Variants in MAP2 observed in about 807,000 individuals in gnomAD.
MAP2 encodes microtubule-associated protein 2.
MAP2 carries 14 observed loss-of-function variants against 137.6 expected under a neutral mutation model. That is an observed-to-expected ratio of 0.10 (90% CI 0.07 to 0.16). The LOEUF (loss-of-function observed/expected upper bound fraction) is 0.16. Ranked by LOEUF, MAP2 falls within the 10% of genes least tolerant of loss-of-function variation. The pLI is 1.00. For synonymous variants in MAP2, 786 were observed against 782.3 expected, an observed-to-expected ratio of 1.00 and a Z score of -0.08; for missense variants, 2,088 against 2,191.5, an observed-to-expected ratio of 0.95 and a Z score of 0.94.
intron 3 of MAP2, among the ~76,000 whole-genome samples, chr2:209,588,807 A>G (rs1339225217): frequency 1.3e-5 from 2 of 152,110 alleles, no homozygotes; most frequent in East Asian, 1.9e-4. Flanking sequence ...ACCTAAGTAG[A>G]CTGCCTATAC....
chr2:209,659,483 C>T (rs1356724428), intron 5 of MAP2, among the ~76,000 whole-genome samples: 1 of 152,132 alleles, frequency 6.6e-6, no homozygotes, highest in Non-Finnish European at 1.5e-5. Context: ...CTGCCACATT[C>T]AGAACAGCAG....
rs2075839418 is a variant in MAP2 at position 209,732,015 on chromosome 2, A to C, written c.*1618A>C. The C allele has an allele frequency of 6.6e-6, 1 of 152,242 alleles. No homozygotes were observed. The highest frequency in any genetic ancestry group is 6.5e-5 in the Admixed American group (1 of 15,290). 9.4% of individuals were successfully genotyped at this position (152,242 alleles called of 1,614,324 possible). A position where few individuals can be genotyped will look rare whatever the true frequency, so the allele number is the denominator to read the frequency against. On this transcript the variant is annotated 3_prime_UTR_variant, in exon 16 of 16. Coordinates refer to ENST00000682079, the MANE Select transcript of MAP2 (RefSeq NM_001375505.1). ...TAGACTTACAAATAAGGAATGAAAT[A>C]GTCAATGGCCTGATTAAGGCAAAGA...
intron 1 of MAP2, among the ~76,000 whole-genome samples, chr2:209,476,867 T>A (rs1575706094): frequency 2.0e-5 from 3 of 152,150 alleles, no homozygotes; most frequent in South Asian, 2.1e-4. Context: ...GGAAAAAAAA[T>A]AAAAACAGAT....
intron 1 of MAP2, among the ~76,000 whole-genome samples, chr2:209,465,392 A>G (rs995651100): frequency 2.6e-5 from 4 of 151,878 alleles, no homozygotes; most frequent in Admixed American, 2.0e-4. Context: ...TATTTTTCAC[A>G]TTTTAAAAGG....
intron 2 of MAP2, among the ~76,000 whole-genome samples, chr2:209,527,304 C>T (rs180842584): frequency 2.0e-5 from 3 of 152,210 alleles, no homozygotes; most frequent in East Asian, 1.9e-4. Context: ...TATTGTTTCA[C>T]CTAACTAGAA....
At chr2:209,603,953 T>C (rs1032289525) in intron 3 of MAP2, among the ~76,000 whole-genome samples, 3 of 152,198 alleles carry the variant, frequency 2.0e-5, no homozygotes, top group Admixed American at 2.0e-4. Flanking sequence ...TGCAATTGTG[T>C]GGAGGGACAT....
At chr2:209,593,633 AAATATATATATAT>A (rs1239518883) in intron 3 of MAP2, among the ~76,000 whole-genome samples, 1 of 61,956 alleles carries the variant, frequency 1.6e-5, no homozygotes, top group African/African-American at 7.2e-5. Flanking sequence ...AAAAAAAAAA[AAATATATATATAT>A]ATATATATAT....
chr2:209,516,503 T>C (rs909625928), intron 2 of MAP2, among the ~76,000 whole-genome samples: 9 of 151,690 alleles, frequency 5.9e-5, no homozygotes, highest in African/African-American at 2.2e-4. Flanking sequence ...ATTAGACCAA[T>C]AGAGGAGAAT....
intron 4 of MAP2, among the ~76,000 whole-genome samples, chr2:209,648,971 G>GT (rs1429734801): frequency 3.3e-5 from 5 of 152,046 alleles, no homozygotes; most frequent in Non-Finnish European, 7.4e-5. Context: ...AAAATTCCTA[G>GT]TATCTCACAA....
intron 3 of MAP2, among the ~76,000 whole-genome samples, chr2:209,616,089 T>C (rs990325114): frequency 1.3e-5 from 2 of 152,150 alleles, no homozygotes; most frequent in Non-Finnish European, 2.9e-5. Context: ...CACGCTTCAA[T>C]GTCCTGCTGT....
At chr2:209,700,175 A>G (rs1206494384) in intron 10 of MAP2, 102 bp from the exon 11 acceptor site, 3 of 886,506 alleles carry the variant, frequency 3.4e-6, no homozygotes, top group Non-Finnish European at 5.5e-6. Context: ...TTTGCTTTGC[A>G]TTAGTCTGTT....
rs571031319 is a variant in MAP2 at position 209,554,764 on chromosome 2, T to A, written c.-171-25272T>A. Among the ~76,000 whole-genome samples, 4 of 151,660 alleles carry A rather than the reference T, an allele frequency of 2.6e-5. No individual in the cohort carries two copies. In the South Asian group the frequency reaches 8.4e-4, roughly 32 times the overall value. On this transcript the variant is annotated intron_variant, in intron 2 of 15. Coordinates refer to ENST00000682079, the MANE Select transcript of MAP2 (RefSeq NM_001375505.1). ...AGACTGTCTCAAAAAAAAATTAAAA[T>A]TAAAAAATAAAATAAAAGCTCGTTT... is the stretch of plus-strand genomic sequence containing the variant.
Position 209,678,562 on chromosome 2 carries a change from TTTA to T in MAP2, c.263-6_263-4del. On this transcript the variant is annotated splice_polypyrimidine_tract_variant and splice_region_variant and intron_variant, in intron 5 of 15. Transcript: ENST00000682079. ...ATCGTTATATTTTATTTTGTTACTGTTTATTACAGAGGAGGTGTCTGCAAGGAT... is the reference window on the plus strand; with the variant it reads ...ATCGTTATATTTTATTTTGTTACTGTTTACAGAGGAGGTGTCTGCAAGGAT... 1 of 1,428,692 alleles carries T rather than the reference TTTA, an allele frequency of 7.0e-7. No homozygotes were observed. The highest frequency in any genetic ancestry group is 9.6e-7 in the Non-Finnish European group (1 of 1,040,194). The allele number at this position is 1,428,692 out of a possible 1,614,324, so 88.5% of individuals were successfully genotyped here.
chr2:209,689,761 A>G (rs1036984804), intron 7 of MAP2, among the ~76,000 whole-genome samples: 2 of 152,176 alleles, frequency 1.3e-5, no homozygotes, highest in South Asian at 2.1e-4. Context: ...GTCAAAGAGA[A>G]TTATACATGA....
At chr2:209,453,325 A>G (rs1357993481) in intron 1 of MAP2, among the ~76,000 whole-genome samples, 1 of 152,176 alleles carries the variant, frequency 6.6e-6, no homozygotes, top group Admixed American at 6.5e-5. Context: ...TGGCCATGAT[A>G]GTAACGGTTT....
intron 11 of MAP2, among the ~76,000 whole-genome samples, chr2:209,700,862 A>G (rs1275364212): frequency 1.3e-5 from 2 of 152,166 alleles, no homozygotes; most frequent in Non-Finnish European, 2.9e-5. Context: ...CAAAAATGAG[A>G]ACACTGTGTA....
chr2:209,524,161 G>A (rs2150436786), intron 2 of MAP2, among the ~76,000 whole-genome samples: 1 of 152,220 alleles, frequency 6.6e-6, no homozygotes, highest in East Asian at 1.9e-4. Context: ...GAAACCTTGA[G>A]AAGGCATTTT....
intron 2 of MAP2, among the ~76,000 whole-genome samples, chr2:209,573,327 TC>T (rs1461434546): frequency 6.9e-6 from 1 of 144,746 alleles, no homozygotes; most frequent in African/African-American, 2.6e-5. Flanking sequence ...GGAGTCTTAC[TC>T]TATTGCCCAG....
intron 2 of MAP2, among the ~76,000 whole-genome samples, chr2:209,516,760 G>A (rs1451242551): frequency 1.3e-5 from 2 of 152,048 alleles, no homozygotes; most frequent in African/African-American, 2.4e-5. Flanking sequence ...CACTATCACA[G>A]GGGGATGATT....
Sources: gnomAD v4.1 joint callset for allele counts (sites outside exome capture counted in the v4.1 genomes callset) on GRCh38, gnomAD v4.1.1 for gene constraint, MANE v1.5 for transcripts, NCBI Gene and HGNC (gene_info 2026-07-23, HGNC 2026-07-21) for gene names.